KALRN: variants seen among roughly 807,000 people sequenced by gnomAD.
KALRN encodes kalirin.
A neutral mutation model predicts 353.7 loss-of-function variants in KALRN; 70 were observed. That is an observed-to-expected ratio of 0.20 (90% CI 0.16 to 0.24). The LOEUF (loss-of-function observed/expected upper bound fraction) is 0.24, where lower values mean the gene tolerates loss of function less well. Ranked by LOEUF, KALRN falls within the 10% of genes least tolerant of loss-of-function variation. The pLI, the probability that KALRN is intolerant of heterozygous loss-of-function variation, is 1.00. For synonymous variants in KALRN, 1,391 were observed against 1,434.8 expected, an observed-to-expected ratio of 0.97 and a Z score of 0.69; for missense variants, 2,791 against 3,756.7, an observed-to-expected ratio of 0.74 and a Z score of 6.72.
chr3:124,128,449 A>G (rs764347215), intron 1 of KALRN, among the ~76,000 whole-genome samples: 3 of 152,198 alleles, frequency 2.0e-5, no homozygotes, highest in African/African-American at 4.8e-5. Flanking sequence ...CTGAGGTCAA[A>G]TAAACTTTTG....
At chr3:124,691,323 G>C (rs1466423096) in intron 51 of KALRN, among the ~76,000 whole-genome samples, 1 of 152,224 alleles carries the variant, frequency 6.6e-6, no homozygotes, top group Non-Finnish European at 1.5e-5. Flanking sequence ...AGCTACTCGG[G>C]AGGCTGAGGC....
intron 5 of KALRN, among the ~76,000 whole-genome samples, chr3:124,296,071 G>A (rs547189760): frequency 1.3e-5 from 2 of 152,288 alleles, no homozygotes; most frequent in East Asian, 3.9e-4. Context: ...AGATGGAAGT[G>A]TAATTCAAAA....
intron 14 of KALRN, among the ~76,000 whole-genome samples, chr3:124,417,670 A>C (rs542563997): frequency 1.4e-4 from 21 of 152,366 alleles, no homozygotes; most frequent in Middle Eastern, 6.8e-3. Context: ...AGAATACAAA[A>C]GAGGAAATCC....
At chr3:124,637,508 G>A (rs2081492011) in intron 37 of KALRN, among the ~76,000 whole-genome samples, 1 of 152,138 alleles carries the variant, frequency 6.6e-6, no homozygotes, top group African/African-American at 2.4e-5. Flanking sequence ...CATCATTTGG[G>A]GGCTGCAGTG....
chr3:124,558,649 TC>T (rs1259865236), intron 33 of KALRN, among the ~76,000 whole-genome samples: 2 of 152,240 alleles, frequency 1.3e-5, no homozygotes, highest in East Asian at 3.8e-4. Context: ...TTTAATACTA[TC>T]TCATTTAATC....
chr3:124,098,350 C>T (rs1312609761), intron 1 of KALRN, among the ~76,000 whole-genome samples: 2 of 152,134 alleles, frequency 1.3e-5, no homozygotes, highest in Non-Finnish European at 2.9e-5. Flanking sequence ...CACTGTGGGC[C>T]CTCCTTAATC....
intron 14 of KALRN, among the ~76,000 whole-genome samples, chr3:124,420,472 T>A (rs1225476670): frequency 1.3e-5 from 2 of 152,150 alleles, no homozygotes; most frequent in African/African-American, 4.8e-5. Context: ...GGGTCAGGGG[T>A]CATCCCACTA....
At chr3:124,605,584 A>AGAGAGAGAG (rs377624275) in intron 34 of KALRN, among the ~76,000 whole-genome samples, 6,204 of 131,776 alleles carry the variant, frequency 0.047, 149 homozygotes, top group Middle Eastern at 0.063. Context: ...AAAAAAAAAA[A>AGAGAGAGAG]AAAGAGAGAG....
At chr3:124,114,409 A>G (rs954126813) in intron 1 of KALRN, among the ~76,000 whole-genome samples, 1 of 152,162 alleles carries the variant, frequency 6.6e-6, no homozygotes, top group African/African-American at 2.4e-5. Flanking sequence ...TGCTGTTTTC[A>G]TGAGGGCTCT....
chr3:124,270,824 G>GTTTTTGT (rs1553885288), intron 5 of KALRN, among the ~76,000 whole-genome samples: 3 of 78,632 alleles, frequency 3.8e-5, no homozygotes, highest in Non-Finnish European at 7.3e-5. Context: ...TTTTTGTTTT[G>GTTTTTGT]TTTTTTTTTT....
intron 51 of KALRN, among the ~76,000 whole-genome samples, chr3:124,689,175 T>C (rs1265254210): frequency 2.0e-5 from 3 of 152,254 alleles, no homozygotes; most frequent in Non-Finnish European, 4.4e-5. Context: ...CAATGTCATC[T>C]TTCCTCCACG....
At chr3:124,079,148 A>G (rs534650172) in intron 1 of KALRN, among the ~76,000 whole-genome samples, 1 of 152,224 alleles carries the variant, frequency 6.6e-6, no homozygotes, top group African/African-American at 2.4e-5. Context: ...TCGGGAAGAG[A>G]GACTGTAGTA....
At chr3:124,646,336 C>T (rs967035659) in intron 37 of KALRN, among the ~76,000 whole-genome samples, 3 of 150,858 alleles carry the variant, frequency 2.0e-5, no homozygotes, top group Non-Finnish European at 4.4e-5. Context: ...ATCATTTCCT[C>T]TTAGATTTTA....
chr3:124,236,189 T>A (rs1211920511), intron 3 of KALRN, among the ~76,000 whole-genome samples: 1 of 151,930 alleles, frequency 6.6e-6, no homozygotes, highest in Non-Finnish European at 1.5e-5. Flanking sequence ...AGAAAAAACA[T>A]AAAAGGTCTT....
At chr3:124,668,213 C>T (rs1034555628) in intron 47 of KALRN, among the ~76,000 whole-genome samples, 2 of 152,160 alleles carry the variant, frequency 1.3e-5, no homozygotes, top group Admixed American at 6.5e-5. Context: ...GGCCCACCCT[C>T]GGGTGTGTCA....
chr3:124,266,356 G>A (rs537935611), intron 4 of KALRN, among the ~76,000 whole-genome samples: 49 of 152,048 alleles, frequency 3.2e-4, no homozygotes, highest in African/African-American at 1.1e-3. Flanking sequence ...ATAGTGGATG[G>A]TTTTTATTTA....
chr3:124,412,168 A>G (rs1322544847), intron 13 of KALRN, among the ~76,000 whole-genome samples: 1 of 152,172 alleles, frequency 6.6e-6, no homozygotes, highest in East Asian at 1.9e-4. Context: ...TGTGTACCCC[A>G]GCATGGAATA....
chr3:124,120,711 A>AATATATATATATATAT (rs368470724), intron 1 of KALRN, among the ~76,000 whole-genome samples: 94 of 98,888 alleles, frequency 9.5e-4, no homozygotes, highest in African/African-American at 2.5e-3. Context: ...GAATACTAAA[A>AATATATATATATATAT]ATATATATAT....
At chr3:124,068,594 A>G (rs183709381) in intron 1 of KALRN, among the ~76,000 whole-genome samples, 4 of 152,328 alleles carry the variant, frequency 2.6e-5, no homozygotes, top group Admixed American at 2.0e-4. Flanking sequence ...AGAGGCAGCT[A>G]GTACAAAACC....
Sources: gnomAD v4.1 joint callset for allele counts (sites outside exome capture counted in the v4.1 genomes callset) on GRCh38, gnomAD v4.1.1 for gene constraint, MANE v1.5 for transcripts, NCBI Gene and HGNC (gene_info 2026-07-23, HGNC 2026-07-21) for gene names.